The following CD226 variants were observed in gnomAD, a reference collection of about 807,000 sequenced individuals.
CD226 encodes CD226 molecule, also known as CD226 antigen.
A neutral mutation model predicts 34.9 loss-of-function variants in CD226; 24 were observed. The observed-to-expected ratio is 0.69, with a 90% CI of 0.50 to 0.97. The LOEUF (loss-of-function observed/expected upper bound fraction) is 0.97. CD226 is among the 50% of genes least tolerant of loss of function. The probability of loss-of-function intolerance (pLI) is 0.00; values close to 1 mark genes in which losing one functional copy is unlikely to be tolerated. For synonymous variants in CD226, 148 were observed against 147.4 expected (o/e 1.00, Z -0.03); for missense variants, 397 against 412.7 (o/e 0.96, Z 0.33).
chr18:69,958,637 G>C (rs967208209), upstream of CD226, among the ~76,000 whole-genome samples: 1 of 152,140 alleles, frequency 6.6e-6, no homozygotes, highest in Admixed American at 6.5e-5. Context: ...CCTATCTATC[G>C]TGACAGTAGC....
At chr18:69,896,888 A>G (rs1011613160) in intron 2 of CD226, among the ~76,000 whole-genome samples, 6 of 152,178 alleles carry the variant, frequency 3.9e-5, no homozygotes, top group Admixed American at 6.5e-5. Flanking sequence ...ATGTGGTATC[A>G]ATTCTTGATA....
rs1253742691 is a variant in CD226, at chr18:69,862,364, TAAGCTTGCTTCACCATGCAAACCAATAAA to T, written c.*1921_*1949del. The T allele has an allele frequency of 1.3e-5, 2 of 152,196 alleles. No homozygotes were observed. The highest frequency in any genetic ancestry group is 4.8e-5 in the African/African-American group (2 of 41,464). The allele number at this position is 152,196 out of a possible 1,614,324, so 9.4% of individuals were successfully genotyped here. A position where few individuals can be genotyped will look rare whatever the true frequency, so the allele number is the denominator to read the frequency against. On this transcript the variant is annotated 3_prime_UTR_variant, in exon 6 of 6. Coordinates refer to ENST00000582621, the MANE Select transcript of CD226 (RefSeq NM_001303618.2). ...AAATTATTTACCTTTTAATTGATGCTAAGCTTGCTTCACCATGCAAACCAATAAATTCACTCACAGAATCTTTGATTGAT... is the reference window on the plus strand; with the variant it reads ...AAATTATTTACCTTTTAATTGATGCTTTCACTCACAGAATCTTTGATTGAT...
intron 2 of CD226, among the ~76,000 whole-genome samples, chr18:69,897,347 CTCTT>C (rs1985358699): frequency 6.6e-6 from 1 of 152,182 alleles, no homozygotes; most frequent in Non-Finnish European, 1.5e-5. Context: ...ACTGTGGTAA[CTCTT>C]TCTTAAAATT....
chr18:69,926,385 C>T (rs902554917), intron 2 of CD226, among the ~76,000 whole-genome samples: 1 of 152,056 alleles, frequency 6.6e-6, no homozygotes, highest in African/African-American at 2.4e-5. Context: ...TGTTTTCCAT[C>T]CAACTTGAAC....
At chr18:69,931,832 C>A (rs1279866337) in intron 2 of CD226, among the ~76,000 whole-genome samples, 8 of 152,192 alleles carry the variant, frequency 5.3e-5, no homozygotes, top group Admixed American at 3.9e-4. Context: ...TGACTTATTC[C>A]CATCACCTCT....
rs571364132 is a variant in CD226 at position 69,893,525 on chromosome 18, T to C, written c.727+2176A>G. Among the ~76,000 whole-genome samples the C allele has an allele frequency of 5.9e-5, 9 of 152,372 alleles. No individual in the cohort carries two copies. In the South Asian group the frequency reaches 1.7e-3, roughly 28 times the overall value. On this transcript the variant is annotated intron_variant, in intron 3 of 5. Coordinates refer to ENST00000582621, the MANE Select transcript of CD226 (RefSeq NM_001303618.2). The stretch of plus-strand genomic sequence containing the variant: ...TTATACGTGTTTGAAAATGATTCTT[T>C]ATGACACTTTTCTGAATAGAACATT...
chr18:69,862,795 A>G lies in CD226; in HGVS notation c.*1519T>C, dbSNP rs1291659292. 1 of 152,178 alleles carries G rather than the reference A, an allele frequency of 6.6e-6. No homozygotes were observed. The highest frequency in any genetic ancestry group is 1.5e-5 in the Non-Finnish European group (1 of 68,004). The allele number at this position is 152,178 out of a possible 1,614,324, so 9.4% of individuals were successfully genotyped here. A position where few individuals can be genotyped will look rare whatever the true frequency, so the allele number is the denominator to read the frequency against. On this transcript the variant is annotated 3_prime_UTR_variant, in exon 6 of 6. Coordinates refer to ENST00000582621, the MANE Select transcript of CD226 (RefSeq NM_001303618.2). Reference sequence around the variant, plus strand: ...CTGTCTAGGCAACAGGAGAATTTGGATTTGCTTTATTTAAGATTATCATGA... The same window carrying G: ...CTGTCTAGGCAACAGGAGAATTTGGGTTTGCTTTATTTAAGATTATCATGA...
chr18:69,942,979 C>T (rs571537698), intron 2 of CD226, among the ~76,000 whole-genome samples: 1 of 152,330 alleles, frequency 6.6e-6, no homozygotes, highest in Non-Finnish European at 1.5e-5. Flanking sequence ...TACCATGGCC[C>T]TCCCTGGTTC....
intron 2 of CD226, among the ~76,000 whole-genome samples, chr18:69,935,678 C>G (rs773981161): frequency 6.6e-6 from 1 of 152,156 alleles, no homozygotes; most frequent in Non-Finnish European, 1.5e-5. Context: ...GTCTTGATCA[C>G]TGAGAGTTGA....
intron 4 of CD226, among the ~76,000 whole-genome samples, chr18:69,868,887 A>G (rs1479055416): frequency 6.6e-6 from 1 of 152,196 alleles, no homozygotes; most frequent in African/African-American, 2.4e-5. Context: ...AAAAGAGAAC[A>G]TGGAACTTAG....
intron 2 of CD226, among the ~76,000 whole-genome samples, chr18:69,928,482 T>C (rs558476160): frequency 3.3e-5 from 5 of 152,182 alleles, no homozygotes; most frequent in African/African-American, 1.2e-4. Context: ...AATGAAAAGG[T>C]GGCCACAAAC....
upstream of CD226, chr18:69,961,650 T>C (rs1359356472): frequency 6.6e-6 from 1 of 152,258 alleles, no homozygotes; most frequent in Non-Finnish European, 1.5e-5. Flanking sequence ...TTGGCCACTG[T>C]TCTTTTCTTC....
chr18:69,889,212 T>C (rs768829060), intron 3 of CD226, among the ~76,000 whole-genome samples: 3 of 152,102 alleles, frequency 2.0e-5, no homozygotes, highest in Non-Finnish European at 2.9e-5. Context: ...GTGGTTGATC[T>C]GTTTGAGTAG....
In CD226 at chr18:69,860,934, C is replaced by T. The variant is rs1203720289; in HGVS notation, c.*3380G>A. Reference sequence around the variant, plus strand: ...CATATAAGCAGTACAAAATACAGTACATCATTATAAATCAAGGAGAAGCAT... The same window carrying T: ...CATATAAGCAGTACAAAATACAGTATATCATTATAAATCAAGGAGAAGCAT... On this transcript the variant is annotated 3_prime_UTR_variant, in exon 6 of 6. Transcript: ENST00000582621. The T allele has an allele frequency of 6.6e-6, 1 of 152,012 alleles. No individual in the cohort carries two copies. Among genetic ancestry groups the T allele is most frequent in the Non-Finnish European group, 1.5e-5 (1 of 67,948 alleles). The allele number at this position is 152,012 out of a possible 1,614,324, so 9.4% of individuals were successfully genotyped here.
intron 2 of CD226, among the ~76,000 whole-genome samples, chr18:69,930,092 T>C (rs942667280): frequency 1.3e-5 from 2 of 152,176 alleles, no homozygotes; most frequent in Non-Finnish European, 2.9e-5. Flanking sequence ...ATTTGATACA[T>C]CATTCCTGGG....
At chr18:69,949,834 ACACT>A (rs1474438139), upstream of CD226, among the ~76,000 whole-genome samples, 1 of 151,796 alleles carries the variant, frequency 6.6e-6, no homozygotes, top group Non-Finnish European at 1.5e-5. Flanking sequence ...ACATCCACGC[ACACT>A]CACACTCATG....
chr18:69,935,520 T>C (rs2055641858), intron 2 of CD226, among the ~76,000 whole-genome samples: 1 of 152,334 alleles, frequency 6.6e-6, no homozygotes, highest in African/African-American at 2.4e-5. Flanking sequence ...CACCAGCTCT[T>C]ACTCATGTGT....
intron 2 of CD226, among the ~76,000 whole-genome samples, chr18:69,923,855 G>A (rs973308771): frequency 6.6e-5 from 10 of 151,898 alleles, no homozygotes; most frequent in African/African-American, 2.4e-4. Context: ...TTGGGAGGCT[G>A]AGGCAGGAGA....
intron 2 of CD226, among the ~76,000 whole-genome samples, chr18:69,923,981 A>T (rs1599013117): frequency 6.6e-6 from 1 of 151,772 alleles, no homozygotes; most frequent in African/African-American, 2.4e-5. Context: ...TCAATGGAGT[A>T]TTGTGTCCTC....
Sources: allele counts gnomAD v4.1 joint callset (sites outside exome capture counted in the v4.1 genomes callset), GRCh38; gene constraint gnomAD v4.1.1; transcripts MANE v1.5; gene names NCBI Gene and HGNC (gene_info 2026-07-23, HGNC 2026-07-21).